The following CHRM3 variants were observed in gnomAD, a reference collection of about 807,000 sequenced individuals.
CHRM3 encodes muscarinic acetylcholine receptor M3.
A neutral mutation model predicts 41.8 loss-of-function variants in CHRM3; 11 were observed. That is an observed-to-expected ratio of 0.26 (90% CI 0.17 to 0.44). The LOEUF is 0.44. Ranked by LOEUF, CHRM3 falls within the 20% of genes least tolerant of loss-of-function variation. The pLI, the probability that CHRM3 is intolerant of heterozygous loss-of-function variation, is 1.00. For missense variants in CHRM3, 571 were observed against 745.4 expected (o/e 0.77, Z 2.72); for synonymous variants, 297 against 301.4 (o/e 0.99, Z 0.15).
chr1:239,623,009 C>A (rs1668553134), intron 3 of CHRM3, among the ~76,000 whole-genome samples: 1 of 152,028 alleles, frequency 6.6e-6, no homozygotes, highest in Non-Finnish European at 1.5e-5. Flanking sequence ...GCAACCACCA[C>A]CCTGATCAGT....
chr1:239,449,749 T>C (rs570043873), intron 1 of CHRM3, among the ~76,000 whole-genome samples: 2 of 150,750 alleles, frequency 1.3e-5, no homozygotes, highest in African/African-American at 2.5e-5. Context: ...TGTGTGTGTG[T>C]GTGTGCGTGT....
chr1:239,521,541 T>C (rs961849561), intron 2 of CHRM3, among the ~76,000 whole-genome samples: 6 of 152,206 alleles, frequency 3.9e-5, no homozygotes, highest in African/African-American at 1.4e-4. Flanking sequence ...AATTTTTTGT[T>C]TTTCACTAAA....
intron 3 of CHRM3, among the ~76,000 whole-genome samples, chr1:239,581,394 C>T (rs1662884402): frequency 2.3e-5 from 3 of 129,798 alleles, no homozygotes; most frequent in Admixed American, 1.9e-4. Flanking sequence ...GATTCAAATA[C>T]GGGCCTGTTT....
At chr1:239,400,097 T>C (rs190434661) in intron 1 of CHRM3, among the ~76,000 whole-genome samples, 100 of 152,092 alleles carry the variant, frequency 6.6e-4, no homozygotes, top group African/African-American at 2.3e-3. Flanking sequence ...TTATGATAGA[T>C]AGGGTTTCGC....
At chr1:239,547,428 CTAAGT>C (rs1314061842) in intron 3 of CHRM3, among the ~76,000 whole-genome samples, 1 of 152,184 alleles carries the variant, frequency 6.6e-6, no homozygotes, top group Non-Finnish European at 1.5e-5. Flanking sequence ...GTGACACTTA[CTAAGT>C]TATCAGTCAG....
intron 1 of CHRM3, among the ~76,000 whole-genome samples, chr1:239,482,257 C>G (rs1241969874): frequency 1.3e-5 from 2 of 152,118 alleles, no homozygotes; most frequent in Non-Finnish European, 1.5e-5. Flanking sequence ...TCACACACTT[C>G]TGTTGAATAT....
At chr1:239,888,400 G>C (rs73114815) in intron 6 of CHRM3, among the ~76,000 whole-genome samples, 2,486 of 150,870 alleles carry the variant, frequency 0.016, 75 homozygotes, top group African/African-American at 0.058. Flanking sequence ...AAAAGAAGAA[G>C]GGCAACATAG....
At chr1:239,836,398 C>T (rs1271548616) in intron 6 of CHRM3, among the ~76,000 whole-genome samples, 1 of 151,794 alleles carries the variant, frequency 6.6e-6, no homozygotes, top group African/African-American at 2.4e-5. Flanking sequence ...TTTTTTTTAA[C>T]AGGCAGAATA....
chr1:239,404,088 A>G lies in CHRM3; in HGVS notation c.-521+16861A>G, dbSNP rs551754703. On this transcript the variant is annotated intron_variant, in intron 1 of 6. Coordinates refer to ENST00000676153, the MANE Select transcript of CHRM3 (RefSeq NM_001375978.1). ...AAGGTGGGCGAATCACGAGATCGAG[A>G]CCATCCTGGCTAACACAGTGAAACC... 8.5e-4 allele frequency among the ~76,000 whole-genome samples: 128 copies of G among 150,206 alleles called. 3 individuals carry two copies. The South Asian group carries it at 0.026, about 31-fold the overall frequency.
chr1:239,762,011 C>T (rs1279641601), intron 5 of CHRM3, among the ~76,000 whole-genome samples: 1 of 152,168 alleles, frequency 6.6e-6, no homozygotes, highest in Non-Finnish European at 1.5e-5. Flanking sequence ...GAATGATCCT[C>T]GGGTTCACTT....
Position 239,603,262 on chromosome 1 carries a change from T to C in CHRM3, c.-312-28962T>C, listed in dbSNP as rs187132528. Among the ~76,000 whole-genome samples, 656 of 152,294 alleles carry C rather than the reference T, an allele frequency of 4.3e-3. 5 individuals are homozygous for C. Among genetic ancestry groups the C allele is most frequent in the African/African-American group, 0.015 (635 of 41,566 alleles). ...TTATTTTTCATCTCAAATTTTTTTG[T>C]AGAGTCCTTACAATTAAAGGTGAGA... On this transcript the variant is annotated intron_variant, in intron 3 of 6. Coordinates refer to ENST00000676153, the MANE Select transcript of CHRM3 (RefSeq NM_001375978.1).
At chr1:239,779,521 G>A (rs2790330) in intron 5 of CHRM3, among the ~76,000 whole-genome samples, 128,382 of 152,264 alleles carry the variant, frequency 0.84, 54,298 homozygotes, top group East Asian at 0.87. Context: ...ATCACTTGAG[G>A]CCGGGAGTTT....
chr1:239,700,061 A>G (rs1032042974), intron 5 of CHRM3, among the ~76,000 whole-genome samples: 1 of 152,172 alleles, frequency 6.6e-6, no homozygotes, highest in Admixed American at 6.5e-5. Flanking sequence ...CAGATATTTA[A>G]TTAATTTTTT....
At chr1:239,885,291 G>T (rs2102903269) in intron 6 of CHRM3, among the ~76,000 whole-genome samples, 1 of 152,278 alleles carries the variant, frequency 6.6e-6, no homozygotes, top group Non-Finnish European at 1.5e-5. Context: ...AGGAAGGCCT[G>T]TTAAAACATA....
At chr1:239,832,938 A>G (rs12075372) in intron 6 of CHRM3, among the ~76,000 whole-genome samples, 3,497 of 152,202 alleles carry the variant, frequency 0.023, 134 homozygotes, top group African/African-American at 0.08. Context: ...ACATCAAGAG[A>G]CTAGGAATGC....
At chr1:239,489,479 G>A (rs141943481) in intron 1 of CHRM3, among the ~76,000 whole-genome samples, 504 of 152,172 alleles carry the variant, frequency 3.3e-3, no homozygotes, top group African/African-American at 0.012. Flanking sequence ...CACTTACAGA[G>A]CTGTAATGAA....
chr1:239,759,985 A>G (rs1029540596), intron 5 of CHRM3, among the ~76,000 whole-genome samples: 21 of 151,638 alleles, frequency 1.4e-4, no homozygotes, highest in African/African-American at 4.4e-4. Flanking sequence ...CGCGATCTAG[A>G]CTCACTGCAA....
chr1:239,599,010 G>T (rs1329707989), intron 3 of CHRM3, among the ~76,000 whole-genome samples: 1 of 151,964 alleles, frequency 6.6e-6, no homozygotes, highest in Admixed American at 6.6e-5. Context: ...TCTTTCCTGG[G>T]ATCTTATTTC....
At chr1:239,824,330 C>T (rs1672286468) in intron 5 of CHRM3, among the ~76,000 whole-genome samples, 1 of 152,196 alleles carries the variant, frequency 6.6e-6, no homozygotes, top group South Asian at 2.1e-4. Flanking sequence ...GACTCGGTGC[C>T]TTCAATCGAG....
Sources: gnomAD v4.1 joint callset for allele counts (sites outside exome capture counted in the v4.1 genomes callset) on GRCh38, gnomAD v4.1.1 for gene constraint, MANE v1.5 for transcripts, NCBI Gene and HGNC (gene_info 2026-07-23, HGNC 2026-07-21) for gene names.